PIERCE2: variants seen among roughly 807,000 people sequenced by gnomAD.
PIERCE2 encodes piercer of microtubule wall 2 protein.
At chr15:55,416,362 A>G in the PIERCE2 span, among the ~76,000 whole-genome samples, 1 of 152,252 alleles carries the variant, frequency 6.6e-6, no homozygotes, top group East Asian at 1.9e-4. Context: ...GGCCTCCCAA[A>G]GTGCTGGGAT....
the PIERCE2 span, chr15:55,418,239 C>T: frequency 1.9e-5 from 30 of 1,567,260 alleles, 1 homozygote; most frequent in African/African-American, 2.7e-4. Context: ...AAAAGTACTT[C>T]ACCTTCAAAT....
At chr15:55,412,410 T>C in the PIERCE2 span, among the ~76,000 whole-genome samples, 3 of 152,186 alleles carry the variant, frequency 2.0e-5, no homozygotes, top group East Asian at 1.9e-4. Context: ...GTTAATAAAT[T>C]CTGTGGAGTT....
the PIERCE2 span, among the ~76,000 whole-genome samples, chr15:55,412,227 T>C: frequency 2.0e-5 from 3 of 151,922 alleles, no homozygotes; most frequent in African/African-American, 7.3e-5. Context: ...TTACAGATAA[T>C]ATACAAATAA....
At chr15:55,418,172 T>A in the PIERCE2 span, 1 of 1,557,924 alleles carries the variant, frequency 6.4e-7, no homozygotes. Flanking sequence ...TTAAATTTTT[T>A]TTTTTTCAGA....
At chr15:55,412,387 T>C in the PIERCE2 span, among the ~76,000 whole-genome samples, 1 of 152,138 alleles carries the variant, frequency 6.6e-6, no homozygotes, top group Admixed American at 6.6e-5. Flanking sequence ...TGATTCTGCC[T>C]CAAGTTTATA....
chr15:55,418,438 C>A, the PIERCE2 span: 1 of 1,522,938 alleles, frequency 6.6e-7, no homozygotes, highest in Non-Finnish European at 8.8e-7. Context: ...TTTTCCCCTG[C>A]AATTATACTC....
chr15:55,416,685 G>A, the PIERCE2 span, among the ~76,000 whole-genome samples: 3 of 152,018 alleles, frequency 2.0e-5, no homozygotes, highest in South Asian at 2.1e-4. Context: ...TAGGCTGGGC[G>A]CGGTGGCTCA....
the PIERCE2 span, among the ~76,000 whole-genome samples, chr15:55,413,339 T>C: frequency 6.6e-6 from 1 of 150,544 alleles, no homozygotes; most frequent in Non-Finnish European, 1.5e-5. Context: ...CTTGGGAGGG[T>C]CACTGGAATC....
At chr15:55,413,303 T>TCACC in the PIERCE2 span, among the ~76,000 whole-genome samples, 1 of 151,172 alleles carries the variant, frequency 6.6e-6, no homozygotes, top group South Asian at 2.1e-4. Flanking sequence ...TAGCTGGGTA[T>TCACC]GGTGGTGTGC....
chr15:55,412,647 G>C, the PIERCE2 span, among the ~76,000 whole-genome samples: 1 of 152,146 alleles, frequency 6.6e-6, no homozygotes, highest in Non-Finnish European at 1.5e-5. Context: ...GCATGTACCT[G>C]AAGTCCCACC....
chr15:55,416,986 AAAAC>A, the PIERCE2 span, among the ~76,000 whole-genome samples: 9 of 152,022 alleles, frequency 5.9e-5, no homozygotes, highest in African/African-American at 1.4e-4. Context: ...AAAACAAAAC[AAAAC>A]AAACAAATTT....
At chr15:55,412,481 G>A in the PIERCE2 span, among the ~76,000 whole-genome samples, 1 of 152,168 alleles carries the variant, frequency 6.6e-6, no homozygotes, top group African/African-American at 2.4e-5. Flanking sequence ...ACAAATTTTA[G>A]GCACAGAGAA....
the PIERCE2 span, chr15:55,410,843 C>G: frequency 6.6e-6 from 1 of 152,016 alleles, no homozygotes; most frequent in Non-Finnish European, 1.5e-5. Flanking sequence ...GCTGAGGAAA[C>G]CTAGAAAATT....
At chr15:55,412,775 T>A in the PIERCE2 span, among the ~76,000 whole-genome samples, 1 of 151,620 alleles carries the variant, frequency 6.6e-6, no homozygotes, top group South Asian at 2.1e-4. Context: ...GAGATCTCTG[T>A]CTCAAAAAAA....
the PIERCE2 span, chr15:55,410,798 G>C: frequency 1.3e-5 from 2 of 152,126 alleles, no homozygotes; most frequent in Non-Finnish European, 2.9e-5. Context: ...CAAGTCACAG[G>C]GCCTCCACCT....
the PIERCE2 span, among the ~76,000 whole-genome samples, chr15:55,412,565 T>C: frequency 4.0e-4 from 61 of 152,288 alleles, no homozygotes; most frequent in African/African-American, 1.3e-3. Flanking sequence ...CATGGAAAAA[T>C]ACTTTCAAAA....
chr15:55,414,632 AT>A, the PIERCE2 span, among the ~76,000 whole-genome samples: 6 of 151,122 alleles, frequency 4.0e-5, no homozygotes, highest in South Asian at 1.1e-3. Context: ...TAATCCCATC[AT>A]TTTTGGAGGT....
the PIERCE2 span, among the ~76,000 whole-genome samples, chr15:55,416,074 T>C: frequency 2.0e-5 from 3 of 151,746 alleles, no homozygotes; most frequent in African/African-American, 7.3e-5. Flanking sequence ...TTCATGCAGT[T>C]TGTTGGTTTT....
At chr15:55,409,361 C>A in the PIERCE2 span, among the ~76,000 whole-genome samples, 8 of 151,860 alleles carry the variant, frequency 5.3e-5, no homozygotes, top group East Asian at 1.6e-3. Flanking sequence ...GCCGAGATTG[C>A]GCCACTGAAC....
Sources: allele counts gnomAD v4.1 joint callset (sites outside exome capture counted in the v4.1 genomes callset), GRCh38; gene constraint gnomAD v4.1.1; transcripts MANE v1.5; gene names NCBI Gene and HGNC (gene_info 2026-07-23, HGNC 2026-07-21).